FRS2: variants seen among roughly 807,000 people sequenced by gnomAD.
The protein encoded by FRS2 is FGFR signalling adaptor.
In FRS2, 8 loss-of-function variants were observed where a neutral mutation model predicts 43.9. The ratio of observed to expected loss-of-function variants is 0.18; its 90% CI spans 0.11 to 0.33. The LOEUF (loss-of-function observed/expected upper bound fraction) is 0.33, where lower values mean the gene tolerates loss of function less well. FRS2 is among the 10% of genes least tolerant of loss of function. The probability of loss-of-function intolerance (pLI) is 1.00; values close to 1 mark genes in which losing one functional copy is unlikely to be tolerated. For missense variants in FRS2, 534 were observed against 627.6 expected (o/e 0.85, Z 1.59); for synonymous variants, 219 against 220.3 (o/e 0.99, Z 0.05).
At chr12:69,483,369 C>T (rs1871515366) in intron 1 of FRS2, among the ~76,000 whole-genome samples, 1 of 152,150 alleles carries the variant, frequency 6.6e-6, no homozygotes, top group South Asian at 2.1e-4. Flanking sequence ...CCGTGACCCC[C>T]AACCACTAGT....
intron 1 of FRS2, among the ~76,000 whole-genome samples, chr12:69,477,343 C>G (rs1017647006): frequency 7.0e-6 from 1 of 142,772 alleles, no homozygotes; most frequent in Non-Finnish European, 1.5e-5. Flanking sequence ...TGCAGTGGCG[C>G]GATCTCAGCT....
chr12:69,570,471 G>A lies in FRS2; in HGVS notation c.207G>A (p.Ser69=), dbSNP rs771270808. The part of the protein sequence containing the change: ...YLCLRRYGYD[S]NLFSFESGRR... The stretch of plus-strand genomic sequence containing the variant: ...GCCTGCGACGCTATGGCTATGACTC[G>A]AATCTCTTTTCTTTTGAAAGTGGTC... The change falls in exon 6 of 9, where the codon TCG becomes TCA. Residue 69 remains serine (S), a synonymous_variant. Transcript: ENST00000549921. 3.3e-5 allele frequency: 53 copies of A among 1,613,148 alleles called. No homozygotes were observed. Among genetic ancestry groups the A allele is most frequent in the Middle Eastern group, 1.6e-4 (1 of 6,082 alleles).
chr12:69,502,646 T>C (rs1873562345), intron 1 of FRS2, among the ~76,000 whole-genome samples: 1 of 152,208 alleles, frequency 6.6e-6, no homozygotes, highest in South Asian at 2.1e-4. Context: ...ACATAATCTC[T>C]GTACGGATGG....
At chr12:69,522,968 C>A (rs1242846627) in intron 1 of FRS2, among the ~76,000 whole-genome samples, 1 of 152,068 alleles carries the variant, frequency 6.6e-6, no homozygotes, top group African/African-American at 2.4e-5. Flanking sequence ...GATTTTGGTT[C>A]TTTTGCATTT....
At chr12:69,523,971 C>T (rs565382045) in intron 1 of FRS2, among the ~76,000 whole-genome samples, 2 of 152,336 alleles carry the variant, frequency 1.3e-5, no homozygotes, top group African/African-American at 4.8e-5. Flanking sequence ...GTGCCAACAG[C>T]AGTGGCAGTG....
At chr12:69,495,073 T>A (rs1675085068) in intron 1 of FRS2, among the ~76,000 whole-genome samples, 2 of 152,112 alleles carry the variant, frequency 1.3e-5, no homozygotes. Flanking sequence ...GCCTGGCCGC[T>A]TCTAGGTTTT....
At chr12:69,479,120 A>G (rs979391816) in intron 1 of FRS2, among the ~76,000 whole-genome samples, 4 of 152,088 alleles carry the variant, frequency 2.6e-5, no homozygotes, top group African/African-American at 7.2e-5. Flanking sequence ...TCTCATTTGC[A>G]TCTGAGACCT....
At chr12:69,477,426 G>A (rs1191383277) in intron 1 of FRS2, among the ~76,000 whole-genome samples, 1 of 151,732 alleles carries the variant, frequency 6.6e-6, no homozygotes, top group Non-Finnish European at 1.5e-5. Context: ...GGGACTACAG[G>A]CGCCCGCCAA....
intron 3 of FRS2, among the ~76,000 whole-genome samples, chr12:69,534,244 A>T (rs755051347): frequency 6.6e-6 from 1 of 152,156 alleles, no homozygotes; most frequent in Non-Finnish European, 1.5e-5. Flanking sequence ...AAAAATGTGG[A>T]TTGTTTTATA....
chr12:69,537,368 G>A (rs971558330), intron 3 of FRS2, among the ~76,000 whole-genome samples: 8 of 151,614 alleles, frequency 5.3e-5, no homozygotes, highest in Non-Finnish European at 1.2e-4. Flanking sequence ...ACGTTCTTTA[G>A]AATTTCCTTT....
chr12:69,485,121 A>G (rs918645024), intron 1 of FRS2, among the ~76,000 whole-genome samples: 2 of 148,864 alleles, frequency 1.3e-5, no homozygotes, highest in African/African-American at 5.1e-5. Context: ...ACACACACAC[A>G]CACACACACA....
chr12:69,554,422 T>G (rs926338000), intron 3 of FRS2, among the ~76,000 whole-genome samples: 2 of 152,186 alleles, frequency 1.3e-5, no homozygotes, highest in African/African-American at 4.8e-5. Context: ...ATGCAAATCC[T>G]CTCAAGTTTG....
chr12:69,578,091 G>A lies in FRS2; in HGVS notation c.*3136G>A, dbSNP rs1295817710. On this transcript the variant is annotated 3_prime_UTR_variant, in exon 9 of 9. Coordinates refer to ENST00000549921, the MANE Select transcript of FRS2 (RefSeq NM_001278356.2). ...TGTTTTCATAATTTCCCAACAATGT[G>A]CCGCCATATTTTTGCCTCAAGGTAA... is the stretch of plus-strand genomic sequence containing the variant. 1.3e-5 allele frequency: 2 copies of A among 152,510 alleles called. No homozygotes were observed. The highest frequency in any genetic ancestry group is 2.9e-5 in the Non-Finnish European group (2 of 68,006). 9.4% of individuals were successfully genotyped at this position (152,510 alleles called of 1,614,324 possible). A position where few individuals can be genotyped will look rare whatever the true frequency, so the allele number is the denominator to read the frequency against.
chr12:69,479,784 T>A (rs1871199106), intron 1 of FRS2, among the ~76,000 whole-genome samples: 1 of 152,212 alleles, frequency 6.6e-6, no homozygotes, highest in Non-Finnish European at 1.5e-5. Flanking sequence ...GAAGTTGATT[T>A]CTTTTTATTT....
chr12:69,546,704 A>G (rs762778018), intron 3 of FRS2, among the ~76,000 whole-genome samples: 3 of 152,126 alleles, frequency 2.0e-5, no homozygotes, highest in Non-Finnish European at 4.4e-5. Context: ...GATGGCTACT[A>G]TTTTTTAAAA....
At position 69,557,628 on chromosome 12, in the gene FRS2, G is replaced by GCGCA. The variant is rs544244506; in HGVS notation, c.-121-4549_-121-4548insACGC. ...TGTGTGTGTGTGTGTGTGCGCGCGC[G>GCGCA]CGCGCGCGCAGGTGCATGCACGCTA... On this transcript the variant is annotated intron_variant, in intron 3 of 8. Coordinates refer to ENST00000549921, the MANE Select transcript of FRS2 (RefSeq NM_001278356.2). 4.9e-3 allele frequency among the ~76,000 whole-genome samples: 716 copies of GCGCA among 147,520 alleles called. 28 individuals are homozygous for GCGCA. The East Asian group carries it at 0.086, about 18-fold the overall frequency.
At chr12:69,564,243 C>CTT (rs1235568923) in intron 4 of FRS2, among the ~76,000 whole-genome samples, 1 of 142,866 alleles carries the variant, frequency 7.0e-6, no homozygotes, top group African/African-American at 2.6e-5. Flanking sequence ...CTATTCTGAT[C>CTT]TTTTTTTTTT....
At chr12:69,540,592 A>C (rs1381400018) in intron 3 of FRS2, among the ~76,000 whole-genome samples, 1 of 152,248 alleles carries the variant, frequency 6.6e-6, no homozygotes, top group Non-Finnish European at 1.5e-5. Flanking sequence ...AGAAGAGACA[A>C]ATCTGTACAG....
At chr12:69,499,218 T>A (rs1271393930) in intron 1 of FRS2, among the ~76,000 whole-genome samples, 1 of 152,172 alleles carries the variant, frequency 6.6e-6, no homozygotes, top group Non-Finnish European at 1.5e-5. Context: ...AGGAGTATTA[T>A]TCAGGCAATT....
Sources: allele counts gnomAD v4.1 joint callset (sites outside exome capture counted in the v4.1 genomes callset), GRCh38; gene constraint gnomAD v4.1.1; transcripts MANE v1.5; gene names NCBI Gene and HGNC (gene_info 2026-07-23, HGNC 2026-07-21).